Variants in WDFY4 observed in about 807,000 individuals in gnomAD.
WDFY4 encodes the protein WDFY family member 4, also known as WD repeat- and FYVE domain-containing protein 4.
WDFY4 carries 169 observed loss-of-function variants against 351.9 expected under a neutral mutation model. The ratio of observed to expected loss-of-function variants is 0.48; its 90% CI spans 0.42 to 0.55. WDFY4 has a LOEUF of 0.55. Among genes scored for constraint, WDFY4 ranks in the 20% least tolerant of loss-of-function variants. The probability of loss-of-function intolerance (pLI) is 0.00; values close to 1 mark genes in which losing one functional copy is unlikely to be tolerated. For missense variants in WDFY4, 3,803 were observed against 3,935.6 expected (o/e 0.97, Z 0.90); for synonymous variants, 1,622 against 1,574.6 (o/e 1.03, Z -0.71).
intron 11 of WDFY4, 44 bp from the exon 12 acceptor site, chr10:48,742,924 C>G (rs753595940): frequency 8.0e-6 from 12 of 1,493,324 alleles, no homozygotes; most frequent in Non-Finnish European, 1.1e-5. Context: ...CAGGGTTAAT[C>G]TACCTCCTGG....
intron 13 of WDFY4, among the ~76,000 whole-genome samples, chr10:48,765,887 A>C (rs1443667183): frequency 6.6e-6 from 1 of 152,228 alleles, no homozygotes; most frequent in Non-Finnish European, 1.5e-5. Context: ...CCTCCAGAAC[A>C]GCCTGGCAAG....
chr10:48,982,071 T>C (rs1345725353), intron 61 of WDFY4, among the ~76,000 whole-genome samples: 1 of 152,160 alleles, frequency 6.6e-6, no homozygotes, highest in Non-Finnish European at 1.5e-5. Context: ...TCCGGGGTCC[T>C]TGGTGGAGGC....
At chr10:48,723,253 A>C (rs1470992067) in intron 4 of WDFY4, among the ~76,000 whole-genome samples, 180 bp from the exon 5 acceptor site, 3 of 150,312 alleles carry the variant, frequency 2.0e-5, no homozygotes, top group Non-Finnish European at 4.4e-5. Flanking sequence ...ATATAAACTT[A>C]ATCTTCACAG....
chr10:48,957,125 C>T lies in WDFY4; in HGVS notation c.7978-4C>T. ...GCTGGTCATGTTGGCTCCATTTCCC[C>T]CAGGGCGGAAGCTTCGACGTGGCAG... On this transcript the variant is annotated splice_region_variant and splice_polypyrimidine_tract_variant and intron_variant, in intron 51 of 61. Coordinates refer to ENST00000325239, the MANE Select transcript of WDFY4 (RefSeq NM_001394531.1). 2 of 1,548,228 alleles carry T rather than the reference C, an allele frequency of 1.3e-6. No homozygotes were observed. Among genetic ancestry groups the T allele is most frequent in the Non-Finnish European group, 8.7e-7 (1 of 1,144,562 alleles).
At chr10:48,881,157 G>A (rs1589804489) in intron 43 of WDFY4, among the ~76,000 whole-genome samples, 1 of 152,236 alleles carries the variant, frequency 6.6e-6, no homozygotes, top group South Asian at 2.1e-4. Flanking sequence ...GGCATCTGCT[G>A]TTACTGCTCT....
intron 11 of WDFY4, among the ~76,000 whole-genome samples, chr10:48,737,352 T>C (rs141184747): frequency 1.8e-4 from 27 of 152,178 alleles, no homozygotes; most frequent in African/African-American, 6.5e-4. Context: ...TGATTGTTGG[T>C]GAATTAAAAA....
intron 51 of WDFY4, among the ~76,000 whole-genome samples, chr10:48,949,972 T>G (rs1329071349): frequency 6.6e-6 from 1 of 152,172 alleles, no homozygotes; most frequent in Admixed American, 6.5e-5. Flanking sequence ...GCACCTACTA[T>G]GCACCTGGAT....
chr10:48,978,665 A>G, intron 60 of WDFY4: 1 of 372,738 alleles, frequency 2.7e-6, no homozygotes, highest in Non-Finnish European at 4.9e-6. Context: ...TCCATAATGA[A>G]CACAGGTACA....
intron 5 of WDFY4, 142 bp downstream of exon 5, chr10:48,723,709 C>G (rs1174606531): frequency 1.7e-6 from 2 of 1,179,426 alleles, no homozygotes; most frequent in South Asian, 1.6e-5. Flanking sequence ...CTAACCTCCC[C>G]CTCCCCTCCC....
chr10:48,698,229 G>C (rs2063383086), intron 1 of WDFY4, among the ~76,000 whole-genome samples: 1 of 152,234 alleles, frequency 6.6e-6, no homozygotes, highest in South Asian at 2.1e-4. Flanking sequence ...CTTGATGCCA[G>C]GTTCCAATTT....
chr10:48,876,483 T>A (rs1174401032), intron 42 of WDFY4, among the ~76,000 whole-genome samples: 1 of 152,198 alleles, frequency 6.6e-6, no homozygotes, highest in Non-Finnish European at 1.5e-5. Context: ...TTTTAAAATG[T>A]CATCAGAAGT....
intron 15 of WDFY4, 97 bp downstream of exon 15, chr10:48,775,903 A>C (rs2066017015): frequency 8.8e-7 from 1 of 1,142,190 alleles, no homozygotes; most frequent in East Asian, 2.6e-5. Context: ...GAAAGCAAAC[A>C]GGTTTAAACA....
At chr10:48,949,516 GAGGCCTGTA>G (rs1403052280) in intron 51 of WDFY4, among the ~76,000 whole-genome samples, 1 of 152,128 alleles carries the variant, frequency 6.6e-6, no homozygotes, top group Non-Finnish European at 1.5e-5. Flanking sequence ...CTCCTAGGGG[GAGGCCTGTA>G]TCTTCTCCAG....
Position 48,959,716 on chromosome 10 carries a change from A to AT in WDFY4, c.8132-5dup. Reference sequence around the variant, plus strand: ...CCAAATCTCTGCTGCTTCTCATCCCATGCAGGCTGCATGCAGGACGGGACT... The same window carrying AT: ...CCAAATCTCTGCTGCTTCTCATCCCATTGCAGGCTGCATGCAGGACGGGACT... On this transcript the variant is annotated splice_polypyrimidine_tract_variant and splice_region_variant and intron_variant, in intron 52 of 61. Transcript: ENST00000325239. 6.4e-7 allele frequency: 1 copy of AT among 1,551,560 alleles called. No homozygotes were observed. Among genetic ancestry groups the AT allele is most frequent in the Admixed American group, 2.0e-5 (1 of 50,990 alleles).
At chr10:48,787,691 T>C (rs2066448152) in intron 20 of WDFY4, among the ~76,000 whole-genome samples, 1 of 152,202 alleles carries the variant, frequency 6.6e-6, no homozygotes, top group Admixed American at 6.5e-5. Context: ...TTTACAGATG[T>C]TTTAAGCTCT....
At chr10:48,937,153 C>T (rs1484989569) in intron 47 of WDFY4, among the ~76,000 whole-genome samples, 2 of 152,118 alleles carry the variant, frequency 1.3e-5, no homozygotes, top group African/African-American at 2.4e-5. Context: ...CTCGGCCTCC[C>T]AGAGTGTTGG....
At chr10:48,940,329 A>G (rs1021211615) in intron 47 of WDFY4, among the ~76,000 whole-genome samples, 1 of 152,370 alleles carries the variant, frequency 6.6e-6, no homozygotes, top group Middle Eastern at 3.4e-3. Flanking sequence ...GCTTGGATAC[A>G]TGGCCCAAAT....
At chr10:48,781,276 A>G (rs1589593245) in intron 19 of WDFY4, among the ~76,000 whole-genome samples, 1 of 149,026 alleles carries the variant, frequency 6.7e-6, no homozygotes, top group Non-Finnish European at 1.5e-5. Flanking sequence ...GTATATATAT[A>G]TATGTGTGTG....
At chr10:48,962,609 C>T (rs2131801658) in intron 53 of WDFY4, among the ~76,000 whole-genome samples, 1 of 152,318 alleles carries the variant, frequency 6.6e-6, no homozygotes, top group African/African-American at 2.4e-5. Context: ...CCCATCTGGG[C>T]TCTATGCATG....
Sources: gnomAD v4.1 joint callset for allele counts (sites outside exome capture counted in the v4.1 genomes callset) on GRCh38, gnomAD v4.1.1 for gene constraint, MANE v1.5 for transcripts, NCBI Gene and HGNC (gene_info 2026-07-23, HGNC 2026-07-21) for gene names.